WDR47: variants seen among roughly 807,000 people sequenced by gnomAD.
WDR47 encodes the protein WD repeat domain 47.
In WDR47, 32 loss-of-function variants were observed where a neutral mutation model predicts 97.2. The observed-to-expected ratio is 0.33, with a 90% confidence interval of 0.25 to 0.44. WDR47 has a LOEUF of 0.44. Ranked by LOEUF, WDR47 falls within the 20% of genes least tolerant of loss-of-function variation. WDR47 has a pLI of 1.00. For missense variants in WDR47, 782 were observed against 1,102.3 expected, an observed-to-expected ratio of 0.71 and a Z score of 4.11; for synonymous variants, 375 against 373.5, an observed-to-expected ratio of 1.00 and a Z score of -0.05.
intron 11 of WDR47, among the ~76,000 whole-genome samples, 197 bp downstream of exon 11, chr1:108,983,085 C>A (rs971939113): frequency 9.9e-5 from 15 of 152,138 alleles, no homozygotes; most frequent in African/African-American, 2.6e-4. Context: ...AACTCAAACA[C>A]CACCTAGACA....
At chr1:108,981,127 C>CA (rs1244532285) in intron 13 of WDR47, among the ~76,000 whole-genome samples, 6,076 of 97,914 alleles carry the variant, frequency 0.062, 153 homozygotes, top group Non-Finnish European at 0.079. Context: ...GATTCCATCT[C>CA]AAAAAAAAAA....
rs1168551996 is a variant in WDR47, at chr1:108,974,578, T to A, written c.2575A>T (p.Thr859Ser). 6.2e-7 allele frequency: 1 copy of A among 1,614,176 alleles called. No homozygotes were observed. The highest frequency in any genetic ancestry group is 2.2e-5 in the East Asian group (1 of 44,884). Residue 859 changes from threonine to serine, a missense_variant, in exon 14 of 15, where the codon ACA (threonine) becomes TCA (serine). Thr to Ser is a moderately conservative substitution (Grantham distance 58). Around this residue, in one of 3 missense-constraint regions of WDR47, gnomAD observed 228 missense variants for 396.7 expected, o/e 0.57. Coordinates refer to ENST00000369962, the MANE Select transcript of WDR47 (RefSeq NM_001142551.2). ...TTTATTTTCATATCATAAGAGCCTGTTAGCAAGTAGTGAGCTCCAGGGGAG... is the reference window on the plus strand; with the variant it reads ...TTTATTTTCATATCATAAGAGCCTGATAGCAAGTAGTGAGCTCCAGGGGAG... ...RFSPGAHYLL[T>S]GSYDMKIKVT...
intron 4 of WDR47, among the ~76,000 whole-genome samples, 197 bp from the exon 5 acceptor site, chr1:109,011,915 A>G (rs981875915): frequency 2.6e-5 from 4 of 152,222 alleles, no homozygotes; most frequent in African/African-American, 9.6e-5. Context: ...TTATTAGTAC[A>G]TTAAACTTTT....
chr1:108,983,131 T>G (rs1648975253), intron 11 of WDR47, 151 bp downstream of exon 11: 5 of 840,736 alleles, frequency 5.9e-6, no homozygotes, highest in Non-Finnish European at 8.4e-6. Flanking sequence ...TAATACCTCA[T>G]GAATGTAACT....
intron 9 of WDR47, among the ~76,000 whole-genome samples, chr1:108,990,127 C>T (rs545452515): frequency 2.0e-5 from 3 of 152,092 alleles, no homozygotes; most frequent in African/African-American, 4.8e-5. Flanking sequence ...TTTGGGAGGT[C>T]GAGGTGGGAG....
rs980511193 is a variant in WDR47, at chr1:108,974,710, A to G, written c.2443T>C (p.Leu815=). The change falls in exon 14 of 15, where the codon TTA becomes CTA. Residue 815 remains leucine (L), a synonymous_variant. Transcript: ENST00000369962. Reference sequence around the variant, plus strand: ...CTAGAATCTTCTTGACCTGTGGCTAAGAGACGACCACTGGGATCTACAGCT... The same window carrying G: ...CTAGAATCTTCTTGACCTGTGGCTAGGAGACGACCACTGGGATCTACAGCT... ...SVAVDPSGRL[L]ATGQEDSSCM... is the part of the protein sequence containing the mutation. 24 of 1,613,694 alleles carry G rather than the reference A, an allele frequency of 1.5e-5. No individual in the cohort carries two copies. Among genetic ancestry groups the G allele is most frequent in the Non-Finnish European group, 2.0e-5 (24 of 1,179,880 alleles).
chr1:109,012,168 A>G (rs574352837), intron 4 of WDR47, among the ~76,000 whole-genome samples: 148 of 152,286 alleles, frequency 9.7e-4, no homozygotes, highest in African/African-American at 3.5e-3. Context: ...TGAAAATTGA[A>G]GCATGCCAAT....
Position 109,011,126 on chromosome 1 carries a change from G to A in WDR47, c.920C>T (p.Ala307Val). Residue 307 changes from alanine to valine, a missense_variant, in exon 5 of 15, where the codon GCC becomes GTC. Ala to Val is a moderately conservative substitution (Grantham distance 64). Around this residue, in one of 3 missense-constraint regions of WDR47, gnomAD observed 428 missense variants for 584.3 expected, o/e 0.73. Transcript: ENST00000369962. ...SPMRRPQSAD[A>V]YMTRSLNPAL... Reference sequence around the variant, plus strand: ...AGGATTCAGAGAGCGGGTCATATAGGCATCAGCTGATTGAGGTCTTCTCAT... The same window carrying A: ...AGGATTCAGAGAGCGGGTCATATAGACATCAGCTGATTGAGGTCTTCTCAT... 6.2e-7 allele frequency: 1 copy of A among 1,614,126 alleles called. No individual in the cohort carries two copies. The highest frequency in any genetic ancestry group is 8.5e-7 in the Non-Finnish European group (1 of 1,180,038).
chr1:109,018,544 G>T (rs1390119313), intron 2 of WDR47, among the ~76,000 whole-genome samples: 1 of 152,134 alleles, frequency 6.6e-6, no homozygotes, highest in Non-Finnish European at 1.5e-5. Context: ...GCTGGGCGCA[G>T]TGGCTCATGT....
chr1:109,015,898 G>A (rs965430637), intron 3 of WDR47, among the ~76,000 whole-genome samples: 2 of 149,106 alleles, frequency 1.3e-5, no homozygotes, highest in East Asian at 2.0e-4. Flanking sequence ...CAGGAGAATC[G>A]CTTGAACCTG....
intron 14 of WDR47, among the ~76,000 whole-genome samples, chr1:108,972,620 A>G (rs1484746507): frequency 6.6e-6 from 1 of 152,032 alleles, no homozygotes; most frequent in East Asian, 1.9e-4. Flanking sequence ...TTAACCTATA[A>G]CTGCTATTAA....
At chr1:109,040,921 AAG>A (rs1345096357) in intron 1 of WDR47, among the ~76,000 whole-genome samples, 1 of 152,234 alleles carries the variant, frequency 6.6e-6, no homozygotes, top group Non-Finnish European at 1.5e-5. Context: ...GTCTCCAACA[AAG>A]AGAGAAATAA....
chr1:109,021,479 G>C (rs540979417), intron 2 of WDR47, among the ~76,000 whole-genome samples: 1 of 138,532 alleles, frequency 7.2e-6, no homozygotes, highest in East Asian at 2.2e-4. Flanking sequence ...AGTGAGCTGA[G>C]ATCATGCCAC....
chr1:109,027,966 A>G (rs918126910), intron 1 of WDR47, among the ~76,000 whole-genome samples: 2 of 152,248 alleles, frequency 1.3e-5, no homozygotes, highest in African/African-American at 4.8e-5. Context: ...TCAGGGAAAC[A>G]GAATTCAATA....
intron 13 of WDR47, among the ~76,000 whole-genome samples, chr1:108,979,070 AGAG>A (rs969339406): frequency 2.0e-5 from 3 of 152,210 alleles, no homozygotes; most frequent in Non-Finnish European, 4.4e-5. Flanking sequence ...ATAGAGAAGC[AGAG>A]GAGGAGAGAT....
intron 9 of WDR47, among the ~76,000 whole-genome samples, chr1:108,988,305 G>GA (rs35875513): frequency 5.6e-4 from 75 of 133,484 alleles, no homozygotes; most frequent in South Asian, 1.2e-3. Context: ...TAACTATTAA[G>GA]AAAAAAAAAA....
At chr1:109,022,884 C>A (rs1319452812) in intron 2 of WDR47, among the ~76,000 whole-genome samples, 1 of 151,620 alleles carries the variant, frequency 6.6e-6, no homozygotes, top group Non-Finnish European at 1.5e-5. Context: ...CCACGCCCAG[C>A]CTATTTTGTA....
In WDR47 at chr1:109,035,299, C is replaced by T. The variant is rs192439373; in HGVS notation, c.-10+6563G>A. Reference sequence around the variant, plus strand: ...CACACAAGGTCTGGAATGTTGCATGCCAAACTGTTCAGTGTGATTATCTCT... The same window carrying T: ...CACACAAGGTCTGGAATGTTGCATGTCAAACTGTTCAGTGTGATTATCTCT... On this transcript the variant is annotated intron_variant, in intron 1 of 14. Transcript: ENST00000369962. 6.0e-5 allele frequency among the ~76,000 whole-genome samples: 9 copies of T among 149,866 alleles called. No homozygotes were observed. In the East Asian group the frequency reaches 1.2e-3, roughly 20 times the overall value.
At chr1:108,982,547 G>A in intron 12 of WDR47, 62 bp downstream of exon 12, 1 of 1,523,898 alleles carries the variant, frequency 6.6e-7, no homozygotes, top group Non-Finnish European at 8.8e-7. Context: ...AAAATGCAGA[G>A]AGGAAAAAAA....
Sources: allele counts gnomAD v4.1 joint callset (sites outside exome capture counted in the v4.1 genomes callset), GRCh38; gene constraint gnomAD v4.1.1; regional missense constraint gnomAD v4.1.1; transcripts MANE v1.5; gene names NCBI Gene and HGNC (gene_info 2026-07-23, HGNC 2026-07-21).